Variants in SNX13 observed in about 807,000 individuals in gnomAD.
SNX13 encodes sorting nexin-13.
SNX13 carries 45 observed loss-of-function variants against 133.6 expected under a neutral mutation model. The observed-to-expected ratio is 0.34, with a 90% CI of 0.27 to 0.43. The LOEUF (loss-of-function observed/expected upper bound fraction) is 0.43. Among genes scored for constraint, SNX13 ranks in the 20% least tolerant of loss-of-function variants. The pLI is 1.00. For missense variants in SNX13, 1,032 were observed against 1,145.1 expected, an observed-to-expected ratio of 0.90 and a Z score of 1.43; for synonymous variants, 414 against 373.9, an observed-to-expected ratio of 1.11 and a Z score of -1.24.
intron 21 of SNX13, among the ~76,000 whole-genome samples, chr7:17,803,060 T>A (rs1484127817): frequency 6.6e-6 from 1 of 152,192 alleles, no homozygotes; most frequent in Non-Finnish European, 1.5e-5. Context: ...TGAATACTAG[T>A]ATAACTCATC....
intron 15 of SNX13, chr7:17,831,849 T>C (rs1429085220): frequency 1.0e-6 from 1 of 983,900 alleles, no homozygotes; most frequent in Non-Finnish European, 1.2e-6. Flanking sequence ...ATCAGAAGCA[T>C]TACTAGTTGA....
chr7:17,882,741 G>A (rs982523578), intron 5 of SNX13: 1 of 1,089,384 alleles, frequency 9.2e-7, no homozygotes. Flanking sequence ...CCTGACCAGA[G>A]AATCTTACTA....
intron 11 of SNX13, among the ~76,000 whole-genome samples, chr7:17,846,031 G>T (rs550318212): frequency 3.3e-5 from 5 of 152,172 alleles, no homozygotes; most frequent in African/African-American, 9.6e-5. Flanking sequence ...TGAAGGAAAT[G>T]GTTAATATAC....
At chr7:17,885,128 GT>G (rs1795834782) in intron 5 of SNX13, among the ~76,000 whole-genome samples, 1 of 152,052 alleles carries the variant, frequency 6.6e-6, no homozygotes. Context: ...AACAAATGTG[GT>G]ATGTGTTCAA....
At chr7:17,837,592 T>A (rs1007489566) in intron 13 of SNX13, among the ~76,000 whole-genome samples, 2 of 152,012 alleles carry the variant, frequency 1.3e-5, no homozygotes, top group African/African-American at 4.8e-5. Flanking sequence ...AGATCAACTG[T>A]TTGTCAATCA....
intron 1 of SNX13, among the ~76,000 whole-genome samples, chr7:17,927,416 A>T (rs974034137): frequency 5.9e-5 from 9 of 151,610 alleles, no homozygotes; most frequent in African/African-American, 1.9e-4. Flanking sequence ...CTAATTTTTT[A>T]ATTTTTTGCA....
intron 9 of SNX13, 34 bp downstream of exon 9, chr7:17,868,373 C>T: frequency 6.8e-7 from 1 of 1,478,624 alleles, no homozygotes; most frequent in Non-Finnish European, 9.3e-7. Context: ...AAAATTATTT[C>T]TAAAACAGAG....
At chr7:17,826,176 C>T (rs560392805) in intron 16 of SNX13, 85 bp from the exon 17 acceptor site, 4 of 748,278 alleles carry the variant, frequency 5.3e-6, no homozygotes, top group Admixed American at 2.7e-5. Context: ...ATATGCATTA[C>T]AATTACTCAT....
intron 1 of SNX13, among the ~76,000 whole-genome samples, chr7:17,930,520 A>C (rs938891031): frequency 8.5e-5 from 13 of 152,222 alleles, no homozygotes; most frequent in African/African-American, 3.1e-4. Context: ...TATATGATTG[A>C]ATATTCTGAG....
chr7:17,894,414 A>G (rs2127996346), intron 2 of SNX13, among the ~76,000 whole-genome samples: 1 of 152,274 alleles, frequency 6.6e-6, no homozygotes, highest in South Asian at 2.1e-4. Flanking sequence ...TAGTTCTGTT[A>G]ACCAATTCAC....
chr7:17,797,066 CAT>C, intron 24 of SNX13, 127 bp from the exon 25 acceptor site: 1 of 699,514 alleles, frequency 1.4e-6, no homozygotes, highest in Non-Finnish European at 2.4e-6. Context: ...TGAATAATAA[CAT>C]ATAGCTATAA....
chr7:17,875,860 G>T, intron 5 of SNX13, 70 bp from the exon 6 acceptor site: 1 of 1,251,602 alleles, frequency 8.0e-7, no homozygotes, highest in Non-Finnish European at 1.1e-6. Flanking sequence ...TCATTTTAAT[G>T]ACTACTGACA....
At chr7:17,850,295 CCT>C (rs1791055654) in intron 11 of SNX13, 50 bp downstream of exon 11, 1 of 1,183,888 alleles carries the variant, frequency 8.4e-7, no homozygotes, top group Non-Finnish European at 1.2e-6. Context: ...ATTTTTAATC[CCT>C]ATAGTATAGT....
intron 9 of SNX13, among the ~76,000 whole-genome samples, chr7:17,866,430 A>G (rs1295205644): frequency 6.6e-6 from 1 of 152,202 alleles, no homozygotes. Context: ...TACAAACTAC[A>G]ATGAGATACT....
chr7:17,832,574 G>C lies in SNX13; in HGVS notation c.1597+1478C>G, dbSNP rs1022303227. 7 of 742,852 alleles carry C rather than the reference G, an allele frequency of 9.4e-6. No homozygotes were observed. The East Asian group carries it at 9.2e-4, about 97-fold the overall frequency. 46.0% of individuals were successfully genotyped at this position (742,852 alleles called of 1,614,324 possible). ...GTCATTTTAGGATGGTTAGTTGACAGAGCTGCTATTGCAAATTTCATAGCA... is the reference window on the plus strand; with the variant it reads ...GTCATTTTAGGATGGTTAGTTGACACAGCTGCTATTGCAAATTTCATAGCA... On this transcript the variant is annotated intron_variant, in intron 15 of 25. Coordinates refer to ENST00000428135, the MANE Select transcript of SNX13 (RefSeq NM_015132.5).
chr7:17,940,223 C>CGGGCTG, intron 1 of SNX13, 61 bp downstream of exon 1: 1 of 1,550,656 alleles, frequency 6.4e-7, no homozygotes, highest in Middle Eastern at 1.7e-4. Context: ...TGTTCTCTGA[C>CGGGCTG]GGGCTGGCGC....
At position 17,940,444 on chromosome 7, in the gene SNX13, C is replaced by T. The variant is rs1158328126; in HGVS notation, c.-149G>A. ...GGCGGTTTTACTCGGCTTCGCTGGC[C>T]TCCCCTCGGCCCGGTCGCTCGCGAC... On this transcript the variant is annotated 5_prime_UTR_variant, in exon 1 of 26. Transcript: ENST00000428135. 5 of 858,898 alleles carry T rather than the reference C, an allele frequency of 5.8e-6. No individual in the cohort carries two copies. Among genetic ancestry groups the T allele is most frequent in the East Asian group, 2.6e-5 (1 of 37,888 alleles). The allele number at this position is 858,898 out of a possible 1,614,324, so 53.2% of individuals were successfully genotyped here.
At position 17,799,112 on chromosome 7, in the gene SNX13, C is replaced by T. The variant is rs1784361804; in HGVS notation, c.2341G>A (p.Asp781Asn). The part of the protein sequence containing the change: ...IPLRVMLLLM[D>N]EVFDLKERNQ... ...CTTTCTTTTAAGTCGAATACTTCAT[C>T]CATGAGAAGCAGCATTACCCTAAGT... Residue 781 changes from aspartate to asparagine, a missense_variant, in exon 23 of 26, where the codon GAT (aspartate) becomes AAT (asparagine). Coordinates refer to ENST00000428135, the MANE Select transcript of SNX13 (RefSeq NM_015132.5). 1 of 1,610,100 alleles carries T rather than the reference C, an allele frequency of 6.2e-7. No individual in the cohort carries two copies. Among genetic ancestry groups the T allele is most frequent in the Non-Finnish European group, 8.5e-7 (1 of 1,177,642 alleles).
At chr7:17,863,556 T>C (rs1268798415) in intron 9 of SNX13, among the ~76,000 whole-genome samples, 1 of 152,232 alleles carries the variant, frequency 6.6e-6, no homozygotes, top group East Asian at 1.9e-4. Context: ...ACAGCATTTC[T>C]AGACCCACCC....
Sources: gnomAD v4.1 joint callset for allele counts (sites outside exome capture counted in the v4.1 genomes callset) on GRCh38, gnomAD v4.1.1 for gene constraint, MANE v1.5 for transcripts, NCBI Gene and HGNC (gene_info 2026-07-23, HGNC 2026-07-21) for gene names.